The following CPXM2 variants were observed in gnomAD, a reference collection of about 807,000 sequenced individuals.
CPXM2 encodes the protein inactive carboxypeptidase-like protein X2.
In CPXM2, 66 loss-of-function variants were observed where a neutral mutation model predicts 86.1. The ratio of observed to expected loss-of-function variants is 0.77; its 90% CI spans 0.63 to 0.94. CPXM2 has a LOEUF of 0.94. CPXM2 is among the 40% of genes least tolerant of loss of function. CPXM2 has a pLI of 0.00. For missense variants in CPXM2, 948 were observed against 1,026.3 expected (o/e 0.92, Z 1.04); for synonymous variants, 388 against 400.2 (o/e 0.97, Z 0.36).
upstream of CPXM2, among the ~76,000 whole-genome samples, chr10:123,895,473 T>C (rs1038343374): frequency 6.6e-6 from 1 of 152,234 alleles, no homozygotes; most frequent in African/African-American, 2.4e-5. Context: ...GCTCTGTGAT[T>C]ATTATAATAT....
At chr10:123,936,315 T>C (rs1202449277) in intron 2 of CPXM2, among the ~76,000 whole-genome samples, 2 of 152,260 alleles carry the variant, frequency 1.3e-5, no homozygotes, top group Non-Finnish European at 2.9e-5. Flanking sequence ...CATTATGCCT[T>C]ATTGTCTCCC....
chr10:123,901,395 G>A (rs1945379442), intron 2 of CPXM2, among the ~76,000 whole-genome samples: 1 of 149,150 alleles, frequency 6.7e-6, no homozygotes, highest in Non-Finnish European at 1.5e-5. Context: ...CCTGGGAGCA[G>A]CAAACACCTT....
At chr10:123,877,227 C>G (rs1945003326) in intron 2 of CPXM2, among the ~76,000 whole-genome samples, 2 of 152,284 alleles carry the variant, frequency 1.3e-5, no homozygotes, top group African/African-American at 2.4e-5. Flanking sequence ...GCAACAAAAG[C>G]TGTTTACAGT....
At chr10:123,810,570 T>A (rs2134091242) in intron 4 of CPXM2, among the ~76,000 whole-genome samples, 1 of 152,190 alleles carries the variant, frequency 6.6e-6, no homozygotes, top group Admixed American at 6.5e-5. Context: ...ACACAAAAAA[T>A]TAATTACATT....
chr10:123,915,421 G>C (rs964433077), intron 2 of CPXM2, among the ~76,000 whole-genome samples: 9 of 152,204 alleles, frequency 5.9e-5, no homozygotes, highest in African/African-American at 1.9e-4. Context: ...AACCAGGCGT[G>C]ATGGCAGGCG....
intron 3 of CPXM2, among the ~76,000 whole-genome samples, chr10:123,846,696 G>A (rs1328303262): frequency 6.6e-6 from 1 of 152,182 alleles, no homozygotes; most frequent in Admixed American, 6.5e-5. Flanking sequence ...CAGAATGATG[G>A]TGAAGAAGAC....
intron 13 of CPXM2, among the ~76,000 whole-genome samples, chr10:123,749,882 T>G (rs1184769863): frequency 6.6e-6 from 1 of 152,100 alleles, no homozygotes; most frequent in Non-Finnish European, 1.5e-5. Flanking sequence ...CTCAGCTCAC[T>G]GCAATCTCTG....
rs1471569880 is a variant in CPXM2 at position 123,872,839 on chromosome 10, G to T, written c.403+7372C>A. 2.0e-5 allele frequency among the ~76,000 whole-genome samples: 3 copies of T among 151,990 alleles called. No individual in the cohort carries two copies. The East Asian group carries it at 5.8e-4, about 29-fold the overall frequency. ...AGAAATGTGACCTTGAAAGTAACTT[G>T]ATATGCTAGCTAGGAAAATATTTTA... On this transcript the variant is annotated intron_variant, in intron 2 of 13. Coordinates refer to ENST00000241305, the MANE Select transcript of CPXM2 (RefSeq NM_198148.3).
chr10:123,912,308 CG>C (rs147794681), intron 2 of CPXM2, among the ~76,000 whole-genome samples: 11,609 of 39,204 alleles, frequency 0.3, 953 homozygotes, highest in African/African-American at 0.42. Context: ...AGATGGTGGG[CG>C]GGGGGGGGGG....
chr10:123,757,213 CT>C lies in CPXM2; in HGVS notation c.1916del (p.Gln639ArgfsTer10), dbSNP rs761938968. On this transcript the variant is annotated frameshift_variant and splice_region_variant, in exon 12 of 14. Coordinates refer to ENST00000241305, the MANE Select transcript of CPXM2 (RefSeq NM_198148.3). LOFTEE classifies it high-confidence loss of function. ...TCCCAGCCACACACCCGCAATATAC[CT>C]GCTCCATGAACACGATCAGAGATTC... ...NRESLIVFMEQVHRGIKGLVR... is the reference protein window; with the variant it reads ...NRESLIVFMEXVHRGIKGLVR... 15 of 1,613,856 alleles carry C rather than the reference CT, an allele frequency of 9.3e-6. No individual in the cohort carries two copies. The highest frequency in any genetic ancestry group is 1.0e-5 in the Non-Finnish European group (12 of 1,179,910).
upstream of CPXM2, among the ~76,000 whole-genome samples, chr10:123,892,531 C>T (rs527604275): frequency 5.3e-5 from 8 of 152,186 alleles, no homozygotes; most frequent in Non-Finnish European, 8.8e-5. Context: ...CATGGCCCTG[C>T]GGCTTCTGCT....
chr10:123,890,275 A>G (rs1193160002), intron 1 of CPXM2, among the ~76,000 whole-genome samples: 1 of 152,204 alleles, frequency 6.6e-6, no homozygotes, highest in Non-Finnish European at 1.5e-5. Flanking sequence ...ACAACTCAGA[A>G]ATCTCCGCCC....
intron 6 of CPXM2, among the ~76,000 whole-genome samples, chr10:123,789,274 C>T: frequency 6.6e-6 from 1 of 152,226 alleles, no homozygotes; most frequent in Non-Finnish European, 1.5e-5. Flanking sequence ...AACCTGCCGC[C>T]CCACAGGGCC....
intron 4 of CPXM2, among the ~76,000 whole-genome samples, chr10:123,839,016 A>G (rs1848331318): frequency 6.6e-6 from 1 of 152,222 alleles, no homozygotes; most frequent in South Asian, 2.1e-4. Flanking sequence ...TCCAAGAAAG[A>G]TTTTATTTGA....
chr10:123,753,017 G>A (rs1323509546), intron 13 of CPXM2, among the ~76,000 whole-genome samples: 1 of 152,154 alleles, frequency 6.6e-6, no homozygotes, highest in Non-Finnish European at 1.5e-5. Context: ...GCAGGTAAGA[G>A]GGACCAACAG....
At chr10:123,764,145 TGTTA>T (rs1184403871) in intron 10 of CPXM2, among the ~76,000 whole-genome samples, 2 of 152,232 alleles carry the variant, frequency 1.3e-5, no homozygotes, top group Middle Eastern at 3.2e-3. Flanking sequence ...TTTTATTATT[TGTTA>T]TTCTTCAGCT....
intron 2 of CPXM2, among the ~76,000 whole-genome samples, chr10:123,918,056 T>C (rs532667019): frequency 9.9e-5 from 15 of 152,258 alleles, no homozygotes; most frequent in Admixed American, 3.3e-4. Context: ...GAAGGACCCA[T>C]TCACAAGAAA....
intron 2 of CPXM2, among the ~76,000 whole-genome samples, chr10:123,867,828 C>A (rs1357666344): frequency 6.6e-6 from 1 of 152,176 alleles, no homozygotes. Context: ...CCACTGCGCC[C>A]GGCCCATCCT....
At chr10:123,774,963 CTAAG>C (rs1415707881) in intron 7 of CPXM2, among the ~76,000 whole-genome samples, 2 of 152,214 alleles carry the variant, frequency 1.3e-5, no homozygotes, top group Non-Finnish European at 2.9e-5. Flanking sequence ...CATTTCTCTA[CTAAG>C]TCTCATCATC....
Sources: gnomAD v4.1 joint callset for allele counts (sites outside exome capture counted in the v4.1 genomes callset) on GRCh38, gnomAD v4.1.1 for gene constraint, MANE v1.5 for transcripts, NCBI Gene and HGNC (gene_info 2026-07-23, HGNC 2026-07-21) for gene names.